IPCEF1: variants seen among roughly 807,000 people sequenced by gnomAD.
IPCEF1 encodes the protein interaction protein for cytohesin exchange factors 1.
A neutral mutation model predicts 50.9 loss-of-function variants in IPCEF1; 31 were observed. The ratio of observed to expected loss-of-function variants is 0.61; its 90% confidence interval spans 0.46 to 0.82. The LOEUF is 0.82. Ranked by LOEUF, IPCEF1 falls within the 40% of genes least tolerant of loss-of-function variation. The pLI, the probability that IPCEF1 is intolerant of heterozygous loss-of-function variation, is 0.00. For synonymous variants in IPCEF1, 181 were observed against 192.0 expected (o/e 0.94, Z 0.47); for missense variants, 458 against 514.0 (o/e 0.89, Z 1.05).
intron 11 of IPCEF1, among the ~76,000 whole-genome samples, chr6:154,163,123 G>A (rs929486366): frequency 6.6e-6 from 1 of 152,128 alleles, no homozygotes; most frequent in African/African-American, 2.4e-5. Context: ...ACCTTCCAGA[G>A]GGTCACTGTC....
chr6:154,212,813 G>T lies in IPCEF1; in HGVS notation c.494C>A (p.Ala165Glu). The change falls in exon 9 of 12, where the codon GCG becomes GAG. Residue 165 changes from alanine to glutamate, a missense_variant. Physicochemically the swap from Ala to Glu is moderately radical, Grantham distance 107. Coordinates refer to ENST00000367220, the MANE Select transcript of IPCEF1 (RefSeq NM_001130700.2). ...ESEQEDPEIA[A>E]ETPPPPHASQ... Reference sequence around the variant, plus strand: ...AGCGTGAGGAGGGGGTGGTGTCTCCGCAGCTATTTCTGGATCTTCCTGTTC... The same window carrying T: ...AGCGTGAGGAGGGGGTGGTGTCTCCTCAGCTATTTCTGGATCTTCCTGTTC... 6.2e-7 allele frequency: 1 copy of T among 1,613,566 alleles called. No homozygotes were observed. Among genetic ancestry groups the T allele is most frequent in the Non-Finnish European group, 8.5e-7 (1 of 1,179,490 alleles).
chr6:154,179,844 C>T (rs1800679358), intron 10 of IPCEF1, among the ~76,000 whole-genome samples: 1 of 152,184 alleles, frequency 6.6e-6, no homozygotes, highest in African/African-American at 2.4e-5. Context: ...TCCTCTCAAA[C>T]TTTTAACAGG....
chr6:154,161,804 GA>G (rs1423360649), intron 11 of IPCEF1, among the ~76,000 whole-genome samples: 1 of 152,130 alleles, frequency 6.6e-6, no homozygotes, highest in Non-Finnish European at 1.5e-5. Flanking sequence ...GCATGTGATT[GA>G]ACTACTCTTT....
chr6:154,330,453 C>T (rs1156348666), intron 1 of IPCEF1, among the ~76,000 whole-genome samples: 1 of 151,080 alleles, frequency 6.6e-6, no homozygotes, highest in African/African-American at 2.4e-5. Context: ...TCTCCCACCT[C>T]GGTCCCCCGA....
intron 1 of IPCEF1, among the ~76,000 whole-genome samples, chr6:154,315,945 C>T (rs755645754): frequency 2.0e-5 from 3 of 152,042 alleles, no homozygotes; most frequent in Admixed American, 1.3e-4. Context: ...CTGCAATCTC[C>T]GCCTCCCAGG....
chr6:154,340,938 TA>T (rs767299142), intron 1 of IPCEF1, among the ~76,000 whole-genome samples: 58 of 151,646 alleles, frequency 3.8e-4, no homozygotes, highest in Non-Finnish European at 6.5e-4. Flanking sequence ...TGTGTGTGTG[TA>T]TGTACACATA....
rs560298534 is a variant in IPCEF1, at chr6:154,293,912, T to C, written c.-61-4156A>G. ...TGTGAAGTCTTTAATAGAACATGTA[T>C]CATTCATTTTTCCCCACTAATCCTC... is the stretch of plus-strand genomic sequence containing the variant. On this transcript the variant is annotated intron_variant, in intron 1 of 11. Coordinates refer to ENST00000367220, the MANE Select transcript of IPCEF1 (RefSeq NM_001130700.2). Among the ~76,000 whole-genome samples the C allele has an allele frequency of 9.0e-4, 137 of 152,172 alleles. 1 individual carries two copies. Among genetic ancestry groups the C allele is most frequent in the Non-Finnish European group, 1.6e-3 (107 of 68,028 alleles).
chr6:154,329,041 A>C (rs1783591601), intron 1 of IPCEF1, among the ~76,000 whole-genome samples: 1 of 152,212 alleles, frequency 6.6e-6, no homozygotes, highest in African/African-American at 2.4e-5. Context: ...ATGGCAGAAA[A>C]AAATAATCGC....
intron 3 of IPCEF1, among the ~76,000 whole-genome samples, chr6:154,249,384 G>C (rs762592315): frequency 6.6e-6 from 1 of 152,134 alleles, no homozygotes; most frequent in Non-Finnish European, 1.5e-5. Flanking sequence ...TTTTAGCTGA[G>C]AGCCAGGACT....
chr6:154,217,383 C>T (rs1218113947), intron 7 of IPCEF1: 2 of 151,008 alleles, frequency 1.3e-5, no homozygotes, highest in Admixed American at 6.6e-5. Context: ...AGATGATCCT[C>T]GCTGGAAAGG....
chr6:154,271,143 G>T (rs971905257), intron 2 of IPCEF1, among the ~76,000 whole-genome samples: 12 of 152,140 alleles, frequency 7.9e-5, no homozygotes, highest in African/African-American at 2.9e-4. Flanking sequence ...AGGATCACTT[G>T]AGGTCAGGAG....
intron 2 of IPCEF1, among the ~76,000 whole-genome samples, chr6:154,281,344 C>A (rs1244412471): frequency 1.3e-5 from 2 of 151,402 alleles, no homozygotes; most frequent in Admixed American, 6.6e-5. Flanking sequence ...CAGAGCAAGA[C>A]CTCATCTCGA....
intron 1 of IPCEF1, among the ~76,000 whole-genome samples, chr6:154,335,491 A>G (rs570896826): frequency 1.1e-4 from 17 of 152,300 alleles, no homozygotes; most frequent in African/African-American, 4.1e-4. Flanking sequence ...TACAGTATCA[A>G]TATAAGAAAA....
intron 1 of IPCEF1, among the ~76,000 whole-genome samples, chr6:154,303,759 A>C (rs1017705727): frequency 2.6e-5 from 4 of 152,078 alleles, no homozygotes; most frequent in African/African-American, 9.7e-5. Flanking sequence ...TTCTCTCTGC[A>C]AAAAAATTAA....
intron 1 of IPCEF1, among the ~76,000 whole-genome samples, chr6:154,313,064 T>G (rs1783119789): frequency 1.9e-4 from 2 of 10,628 alleles, no homozygotes; most frequent in African/African-American, 1.7e-3. Flanking sequence ...TGAGGCCCTG[T>G]CTCAAAAAAA....
Position 154,159,855 on chromosome 6 carries a change from A to G in IPCEF1, c.1290T>C (p.Ser430=), listed in dbSNP as rs1295852651. 6.2e-7 allele frequency: 1 copy of G among 1,611,560 alleles called. No homozygotes were observed. The highest frequency in any genetic ancestry group is 8.5e-7 in the Non-Finnish European group (1 of 1,179,482). Reference sequence around the variant, plus strand: ...AAATGGAATTTTCAACAGAGGGAGAAGAAGGTGATTTCTTGAGTTCCTGGG... The same window carrying G: ...AAATGGAATTTTCAACAGAGGGAGAGGAAGGTGATTTCTTGAGTTCCTGGG... ...DTPQELKKSP[S]SPSVENSI Residue 430 remains serine, a synonymous_variant, in exon 12 of 12, where the codon TCT becomes TCC. Transcript: ENST00000367220.
At chr6:154,337,169 C>T (rs1295891236) in intron 1 of IPCEF1, among the ~76,000 whole-genome samples, 1 of 152,068 alleles carries the variant, frequency 6.6e-6, no homozygotes, top group African/African-American at 2.4e-5. Flanking sequence ...CAAACATACT[C>T]AATAAATTAT....
chr6:154,279,838 A>G (rs938779627), intron 2 of IPCEF1, among the ~76,000 whole-genome samples: 1 of 152,262 alleles, frequency 6.6e-6, no homozygotes, highest in African/African-American at 2.4e-5. Context: ...AGAAAACCTA[A>G]GACAAAAATG....
Position 154,263,494 on chromosome 6 carries a change from T to C in IPCEF1, c.36+2418A>G, listed in dbSNP as rs6936265. On this transcript the variant is annotated intron_variant, in intron 3 of 11. Transcript: ENST00000367220. ...AGCATCTGTTTAACAAAGCACATCT[T>C]GCACCGCCCTTAATCCATTCAACCC... Among the ~76,000 whole-genome samples, 383 of 118,008 alleles carry C rather than the reference T, an allele frequency of 3.2e-3. 2 individuals carry two copies. Among genetic ancestry groups the C allele is most frequent in the African/African-American group, 0.012 (361 of 31,374 alleles). The allele number at this position is 118,008 out of a possible 152,430, so 77.4% of individuals were successfully genotyped here.
Sources: allele counts gnomAD v4.1 joint callset (sites outside exome capture counted in the v4.1 genomes callset), GRCh38; gene constraint gnomAD v4.1.1; transcripts MANE v1.5; gene names NCBI Gene and HGNC (gene_info 2026-07-23, HGNC 2026-07-21).